HMOX2: variants seen among roughly 807,000 people sequenced by gnomAD.
The protein encoded by HMOX2 is heme oxygenase (decycling) 2.
In HMOX2, 30 loss-of-function variants were observed where a neutral mutation model predicts 33.7. The ratio of observed to expected loss-of-function variants is 0.89; its 90% confidence interval spans 0.67 to 1.21. The LOEUF is 1.21. Ranked by LOEUF, HMOX2 falls within the 50% of genes most tolerant of loss-of-function variation. The pLI is 0.00. For missense variants in HMOX2, 403 were observed against 399.1 expected, an observed-to-expected ratio of 1.01 and a Z score of -0.08; for synonymous variants, 155 against 155.0, an observed-to-expected ratio of 1.00 and a Z score of 0.00.
intron 1 of HMOX2, among the ~76,000 whole-genome samples, chr16:4,479,726 ATTTTTTTTTTTTTTT>A (rs58936845): frequency 0.017 from 1,322 of 79,900 alleles, 32 homozygotes; most frequent in African/African-American, 0.064. Context: ...TTCTTATTCT[ATTTTTTTTTTTTTTT>A]TTTTTTTTTT....
At chr16:4,507,646 C>T (rs1350241100) in intron 3 of HMOX2, 67 bp from the exon 4 acceptor site, 3 of 1,547,618 alleles carry the variant, frequency 1.9e-6, no homozygotes, top group Non-Finnish European at 1.8e-6. Flanking sequence ...TCACTTGAGC[C>T]TCTGCATCCA....
At chr16:4,506,154 G>A (rs902210227) in intron 2 of HMOX2, among the ~76,000 whole-genome samples, 4 of 152,160 alleles carry the variant, frequency 2.6e-5, no homozygotes, top group African/African-American at 9.7e-5. Context: ...ATCTCCTAAA[G>A]AAGACAGCAG....
chr16:4,497,771 A>T (rs997115297), intron 1 of HMOX2, among the ~76,000 whole-genome samples: 10 of 146,186 alleles, frequency 6.8e-5, no homozygotes, highest in Non-Finnish European at 2.9e-5. Context: ...TATTCAATGT[A>T]TTTTTTGAGA....
At chr16:4,487,497 C>G (rs1225142199) in intron 1 of HMOX2, among the ~76,000 whole-genome samples, 1 of 151,726 alleles carries the variant, frequency 6.6e-6, no homozygotes, top group African/African-American at 2.4e-5. Flanking sequence ...ATGGAGAAAC[C>G]CCATGTCTAC....
chr16:4,506,562 G>T (rs947450443), intron 2 of HMOX2, among the ~76,000 whole-genome samples: 3 of 152,180 alleles, frequency 2.0e-5, no homozygotes, highest in Non-Finnish European at 4.4e-5. Flanking sequence ...ATACAGATGT[G>T]TGTCTCTTCG....
chr16:4,505,520 C>G lies in HMOX2; in HGVS notation c.-5C>G, dbSNP rs17884406. The G allele has an allele frequency of 4.8e-4, 762 of 1,602,698 alleles. 7 individuals are homozygous for G. In the African/African-American group the frequency reaches 9.3e-3, roughly 20 times the overall value. On this transcript the variant is annotated 5_prime_UTR_variant, in exon 2 of 6. Coordinates refer to ENST00000570646, the MANE Select transcript of HMOX2 (RefSeq NM_002134.4). ...CGAGAGCAGCAAGAACCACACCCAGCAGCAATGTCAGCGGAAGTGGAAACC... is the reference window on the plus strand; with the variant it reads ...CGAGAGCAGCAAGAACCACACCCAGGAGCAATGTCAGCGGAAGTGGAAACC...
intron 1 of HMOX2, among the ~76,000 whole-genome samples, chr16:4,500,280 T>C (rs1286955230): frequency 6.6e-6 from 1 of 152,210 alleles, no homozygotes; most frequent in Non-Finnish European, 1.5e-5. Context: ...GTAAGAATCC[T>C]GATGCCCAAC....
At chr16:4,488,680 C>T (rs1399256402) in intron 1 of HMOX2, 1 of 152,482 alleles carries the variant, frequency 6.6e-6, no homozygotes, top group Non-Finnish European at 1.5e-5. Flanking sequence ...TGCTATGAAA[C>T]CCAGACTCTA....
chr16:4,497,768 T>C (rs559743190), intron 1 of HMOX2, among the ~76,000 whole-genome samples: 2 of 148,300 alleles, frequency 1.3e-5, no homozygotes, highest in East Asian at 1.9e-4. Flanking sequence ...TTTTATTCAA[T>C]GTATTTTTTG....
At chr16:4,505,229 G>A (rs1279800346) in intron 1 of HMOX2, among the ~76,000 whole-genome samples, 1 of 151,984 alleles carries the variant, frequency 6.6e-6, no homozygotes, top group African/African-American at 2.4e-5. Flanking sequence ...TTATATAATC[G>A]CAGTACAATT....
intron 1 of HMOX2, among the ~76,000 whole-genome samples, chr16:4,487,328 C>G (rs1361042190): frequency 6.6e-6 from 1 of 151,244 alleles, no homozygotes; most frequent in African/African-American, 2.4e-5. Context: ...CCTAGGTGGG[C>G]GGATCACCTG....
chr16:4,500,853 T>G lies in HMOX2; in HGVS notation c.-41-4631T>G, dbSNP rs370261334. 1.1e-4 allele frequency among the ~76,000 whole-genome samples: 16 copies of G among 152,296 alleles called. No individual in the cohort carries two copies. In the South Asian group the frequency reaches 3.3e-3, roughly 32 times the overall value. On this transcript the variant is annotated intron_variant, in intron 1 of 5. Coordinates refer to ENST00000570646, the MANE Select transcript of HMOX2 (RefSeq NM_002134.4). ...CCTCTTTTGCTTGAAGTAACTGTGA[T>G]AGGAACTTTGTTACTGCTTCTGTTA...
At chr16:4,480,130 C>A (rs1221908590) in intron 1 of HMOX2, among the ~76,000 whole-genome samples, 1 of 151,946 alleles carries the variant, frequency 6.6e-6, no homozygotes, top group Non-Finnish European at 1.5e-5. Context: ...TCACTGCAAT[C>A]TCTGCCTCTG....
At chr16:4,501,481 T>A (rs1453050125) in intron 1 of HMOX2, among the ~76,000 whole-genome samples, 2 of 152,202 alleles carry the variant, frequency 1.3e-5, no homozygotes, top group Admixed American at 6.5e-5. Context: ...AACATCATAG[T>A]ATGGCTGGGT....
intron 1 of HMOX2, chr16:4,479,533 C>G (rs2141504824): frequency 6.6e-6 from 1 of 151,982 alleles, no homozygotes; most frequent in South Asian, 2.1e-4. Context: ...ATGTCAGAAG[C>G]CAACAAAGTG....
chr16:4,478,492 T>C (rs1287956297), intron 1 of HMOX2, among the ~76,000 whole-genome samples: 6 of 152,258 alleles, frequency 3.9e-5, no homozygotes, highest in Admixed American at 2.6e-4. Context: ...GGCTCATGCT[T>C]GTGATCCCAG....
intron 1 of HMOX2, among the ~76,000 whole-genome samples, chr16:4,504,345 T>C (rs1010669884): frequency 9.5e-5 from 14 of 147,800 alleles, no homozygotes; most frequent in African/African-American, 3.2e-4. Flanking sequence ...TTGTTTTTGG[T>C]AACTTTCAAT....
At chr16:4,508,498 C>T (rs2141613292) in intron 4 of HMOX2, among the ~76,000 whole-genome samples, 1 of 152,268 alleles carries the variant, frequency 6.6e-6, no homozygotes, top group East Asian at 1.9e-4. Context: ...TTGCAGGATG[C>T]TGGTCTTGAA....
At chr16:4,507,085 G>C in intron 3 of HMOX2, 73 bp downstream of exon 3, 3 of 900,084 alleles carry the variant, frequency 3.3e-6, no homozygotes. Flanking sequence ...TGAGAAAAGT[G>C]CCCCTGGAGC....
Sources: gnomAD v4.1 joint callset for allele counts (sites outside exome capture counted in the v4.1 genomes callset) on GRCh38, gnomAD v4.1.1 for gene constraint, MANE v1.5 for transcripts, NCBI Gene and HGNC (gene_info 2026-07-23, HGNC 2026-07-21) for gene names.